The following GALNT7 variants were observed in gnomAD, a reference collection of about 807,000 sequenced individuals.
The protein encoded by GALNT7 is polypeptide N-acetylgalactosaminyltransferase 7, also known as N-acetylgalactosaminyltransferase 7.
GALNT7 carries 60 observed loss-of-function variants against 82.1 expected under a neutral mutation model. The ratio of observed to expected loss-of-function variants is 0.73; its 90% CI spans 0.59 to 0.91. The LOEUF is 0.91. Among genes scored for constraint, GALNT7 ranks in the 40% least tolerant of loss-of-function variants. GALNT7 has a pLI of 0.00. For missense variants in GALNT7, 660 were observed against 804.2 expected, an observed-to-expected ratio of 0.82 and a Z score of 2.17; for synonymous variants, 243 against 275.1, an observed-to-expected ratio of 0.88 and a Z score of 1.15.
chr4:173,208,746 A>T (rs1038186873), intron 1 of GALNT7, among the ~76,000 whole-genome samples: 1 of 152,164 alleles, frequency 6.6e-6, no homozygotes, highest in African/African-American at 2.4e-5. Flanking sequence ...TGGTTCTCTA[A>T]AGATGAAAGG....
At chr4:173,243,989 G>A (rs1734525510) in intron 1 of GALNT7, among the ~76,000 whole-genome samples, 1 of 152,162 alleles carries the variant, frequency 6.6e-6, no homozygotes, top group Non-Finnish European at 1.5e-5. Context: ...GATAAGCACT[G>A]GGCATGCAGT....
At chr4:173,315,395 G>A (rs1218097786) in intron 9 of GALNT7, among the ~76,000 whole-genome samples, 1 of 152,176 alleles carries the variant, frequency 6.6e-6, no homozygotes, top group Non-Finnish European at 1.5e-5. Flanking sequence ...GAGCCATTAA[G>A]GCCTACTGAT....
chr4:173,265,726 G>A (rs927971536), intron 2 of GALNT7, among the ~76,000 whole-genome samples: 1 of 140,934 alleles, frequency 7.1e-6, no homozygotes, highest in African/African-American at 2.7e-5. Context: ...AAGCAATATG[G>A]GATTGTCTTG....
intron 1 of GALNT7, among the ~76,000 whole-genome samples, chr4:173,212,821 G>C (rs1395239041): frequency 6.6e-6 from 1 of 151,990 alleles, no homozygotes; most frequent in Non-Finnish European, 1.5e-5. Flanking sequence ...GTTTCCTTCC[G>C]TGTGTCTAAC....
At chr4:173,303,325 A>G (rs899687809) in intron 7 of GALNT7, among the ~76,000 whole-genome samples, 2 of 152,170 alleles carry the variant, frequency 1.3e-5, no homozygotes, top group African/African-American at 4.8e-5. Flanking sequence ...AGCATGGGGA[A>G]AAGTACAAAG....
chr4:173,281,465 C>T (rs918569139), intron 2 of GALNT7, among the ~76,000 whole-genome samples: 2 of 152,138 alleles, frequency 1.3e-5, no homozygotes, highest in African/African-American at 4.8e-5. Flanking sequence ...CATCCTATTC[C>T]TTATTACTGT....
chr4:173,241,435 A>G (rs1734431686), intron 1 of GALNT7, among the ~76,000 whole-genome samples: 1 of 152,204 alleles, frequency 6.6e-6, no homozygotes, highest in African/African-American at 2.4e-5. Context: ...CAGAATGCAG[A>G]GATCTTTAGA....
In GALNT7 at chr4:173,323,555, T is replaced by C. The variant is rs1311292327; in HGVS notation, c.*1838T>C. ...CATGTTGAGTAGATTATAACCTTATTAACTATGCATAGGCCTAAGAAAGGT... is the reference window on the plus strand; with the variant it reads ...CATGTTGAGTAGATTATAACCTTATCAACTATGCATAGGCCTAAGAAAGGT... On this transcript the variant is annotated 3_prime_UTR_variant, in exon 12 of 12. Transcript: ENST00000265000. The C allele has an allele frequency of 6.6e-6, 1 of 152,626 alleles. No individual in the cohort carries two copies. The highest frequency in any genetic ancestry group is 6.5e-5 in the Admixed American group (1 of 15,286). 9.5% of individuals were successfully genotyped at this position (152,626 alleles called of 1,614,324 possible). A position where few individuals can be genotyped will look rare whatever the true frequency, so the allele number is the denominator to read the frequency against.
chr4:173,185,831 T>A (rs1021121650), intron 1 of GALNT7, among the ~76,000 whole-genome samples: 1 of 152,218 alleles, frequency 6.6e-6, no homozygotes, highest in Non-Finnish European at 1.5e-5. Flanking sequence ...TTCAAGAGAT[T>A]TAGCAATCTT....
intron 1 of GALNT7, among the ~76,000 whole-genome samples, chr4:173,212,694 G>A (rs1337653626): frequency 1.3e-5 from 2 of 150,086 alleles, no homozygotes; most frequent in African/African-American, 4.9e-5. Context: ...TTAAGGTATA[G>A]TGATTTGCTT....
At chr4:173,195,564 A>C (rs907595725) in intron 1 of GALNT7, among the ~76,000 whole-genome samples, 5 of 152,352 alleles carry the variant, frequency 3.3e-5, no homozygotes, top group African/African-American at 1.2e-4. Flanking sequence ...ATAATACCTG[A>C]GTATAACCCC....
chr4:173,187,551 C>G (rs1184675850), intron 1 of GALNT7, among the ~76,000 whole-genome samples: 1 of 151,950 alleles, frequency 6.6e-6, no homozygotes, highest in Admixed American at 6.6e-5. Context: ...CTGGCAAAAC[C>G]AGCAATTAAA....
At chr4:173,267,055 T>G (rs1257351792) in intron 2 of GALNT7, among the ~76,000 whole-genome samples, 2 of 152,074 alleles carry the variant, frequency 1.3e-5, no homozygotes, top group Non-Finnish European at 2.9e-5. Context: ...TATTGTGTAT[T>G]TCAAAAGGGC....
chr4:173,266,517 C>T (rs758196784), intron 2 of GALNT7, among the ~76,000 whole-genome samples: 2 of 152,118 alleles, frequency 1.3e-5, no homozygotes, highest in Non-Finnish European at 2.9e-5. Context: ...ATTTTTGATA[C>T]ATTTGTGAAA....
chr4:173,197,671 C>T (rs1297805286), intron 1 of GALNT7, among the ~76,000 whole-genome samples: 4 of 152,170 alleles, frequency 2.6e-5, no homozygotes, highest in Non-Finnish European at 2.9e-5. Flanking sequence ...GATGTGCTGT[C>T]GTCTACTTCT....
chr4:173,238,334 C>T (rs1734302737), intron 1 of GALNT7, among the ~76,000 whole-genome samples: 1 of 152,050 alleles, frequency 6.6e-6, no homozygotes, highest in African/African-American at 2.4e-5. Context: ...TATGATATCT[C>T]ATCTTTAGAA....
At chr4:173,192,326 T>C (rs965451165) in intron 1 of GALNT7, among the ~76,000 whole-genome samples, 2 of 152,166 alleles carry the variant, frequency 1.3e-5, no homozygotes, top group Non-Finnish European at 2.9e-5. Context: ...CCATTATGAT[T>C]TTTCTGTACT....
chr4:173,267,021 A>T (rs1735528154), intron 2 of GALNT7, among the ~76,000 whole-genome samples: 1 of 152,024 alleles, frequency 6.6e-6, no homozygotes, highest in Non-Finnish European at 1.5e-5. Context: ...ATAGGACAGC[A>T]GGTGACCATA....
intron 1 of GALNT7, among the ~76,000 whole-genome samples, chr4:173,191,046 G>T (rs72993775): frequency 0.016 from 2,458 of 151,904 alleles, 68 homozygotes; most frequent in Admixed American, 0.066. Flanking sequence ...ACAATGGGCA[G>T]GTTGTATTGG....
Sources: allele counts gnomAD v4.1 joint callset (sites outside exome capture counted in the v4.1 genomes callset), GRCh38; gene constraint gnomAD v4.1.1; transcripts MANE v1.5; gene names NCBI Gene and HGNC (gene_info 2026-07-23, HGNC 2026-07-21).